Variants in SLC24A3 observed in about 807,000 individuals in gnomAD.
The protein encoded by SLC24A3 is sodium/potassium/calcium exchanger 3.
SLC24A3 carries 28 observed loss-of-function variants against 75.8 expected under a neutral mutation model. That is an observed-to-expected ratio of 0.37 (90% CI 0.27 to 0.51). The LOEUF (loss-of-function observed/expected upper bound fraction) is 0.51. Ranked by LOEUF, SLC24A3 falls within the 20% of genes least tolerant of loss-of-function variation. The pLI is 0.94. For missense variants in SLC24A3, 663 were observed against 847.8 expected, an observed-to-expected ratio of 0.78 and a Z score of 2.71; for synonymous variants, 372 against 334.1, an observed-to-expected ratio of 1.11 and a Z score of -1.24.
At chr20:19,258,123 C>T (rs1347659109) in intron 1 of SLC24A3, among the ~76,000 whole-genome samples, 1 of 152,218 alleles carries the variant, frequency 6.6e-6, no homozygotes, top group Admixed American at 6.5e-5. Context: ...GGCTTACCTC[C>T]CTTTTCACCT....
rs570375760 is a variant in SLC24A3, at chr20:19,623,830, C to G, written c.613-30232C>G. Among the ~76,000 whole-genome samples the G allele has an allele frequency of 1.1e-4, 16 of 152,194 alleles. 1 individual carries two copies. In the South Asian group the frequency reaches 3.3e-3, roughly 32 times the overall value. ...CTGTGGATGAAGAGCAAATATGTGTCCCTAGGAAGAAAGACCACACCAGTA... is the reference window on the plus strand; with the variant it reads ...CTGTGGATGAAGAGCAAATATGTGTGCCTAGGAAGAAAGACCACACCAGTA... On this transcript the variant is annotated intron_variant, in intron 6 of 16. Transcript: ENST00000328041.
intron 2 of SLC24A3, among the ~76,000 whole-genome samples, chr20:19,474,339 A>G (rs556961022): frequency 6.6e-6 from 1 of 152,308 alleles, no homozygotes; most frequent in African/African-American, 2.4e-5. Flanking sequence ...TTAATTCCCA[A>G]TGCAAGAAGA....
chr20:19,299,198 ATGTGTG>A (rs57048749), intron 2 of SLC24A3, among the ~76,000 whole-genome samples: 16 of 144,912 alleles, frequency 1.1e-4, no homozygotes, highest in African/African-American at 4.0e-4. Context: ...GTGTGTGTGT[ATGTGTG>A]TGTGTGTGTG....
intron 2 of SLC24A3, among the ~76,000 whole-genome samples, chr20:19,327,752 G>C (rs894082313): frequency 1.3e-5 from 2 of 152,116 alleles, no homozygotes; most frequent in African/African-American, 4.8e-5. Flanking sequence ...CATCCTTCTT[G>C]TTTTGTCTCC....
At chr20:19,684,848 T>C (rs2032655593) in intron 11 of SLC24A3, among the ~76,000 whole-genome samples, 1 of 152,190 alleles carries the variant, frequency 6.6e-6, no homozygotes, top group Non-Finnish European at 1.5e-5. Context: ...GTCAAGGAAC[T>C]GCACATCCCC....
intron 2 of SLC24A3, among the ~76,000 whole-genome samples, chr20:19,390,689 G>C (rs910080631): frequency 6.6e-6 from 1 of 152,188 alleles, no homozygotes; most frequent in African/African-American, 2.4e-5. Context: ...GCCTACATTT[G>C]CTGAATTTCC....
At chr20:19,241,657 C>T (rs1465116346) in intron 1 of SLC24A3, among the ~76,000 whole-genome samples, 1 of 152,238 alleles carries the variant, frequency 6.6e-6, no homozygotes, top group Non-Finnish European at 1.5e-5. Flanking sequence ...TGATTTATAA[C>T]TAGCACTTCA....
At chr20:19,402,325 G>A (rs905280751) in intron 2 of SLC24A3, among the ~76,000 whole-genome samples, 1 of 152,142 alleles carries the variant, frequency 6.6e-6, no homozygotes, top group African/African-American at 2.4e-5. Flanking sequence ...TTCCCCTAAC[G>A]ATTACAGGAA....
chr20:19,544,698 G>T (rs2030558729), intron 3 of SLC24A3, among the ~76,000 whole-genome samples: 1 of 152,216 alleles, frequency 6.6e-6, no homozygotes, highest in Non-Finnish European at 1.5e-5. Context: ...ATAAAAACTG[G>T]ATTTATACAC....
rs1450731180 is a variant in SLC24A3 at position 19,212,651 on chromosome 20, G to C, written c.-192G>C. The C allele has an allele frequency of 9.3e-6, 2 of 214,014 alleles. No homozygotes were observed. Among genetic ancestry groups the C allele is most frequent in the South Asian group, 1.5e-4 (1 of 6,828 alleles). The allele number at this position is 214,014 out of a possible 1,614,324, so 13.3% of individuals were successfully genotyped here. ...GGAGGAGGGACTGGGCGATAGCGAC[G>C]AGGAGGGCGACGACGAGGAGACGGG... On this transcript the variant is annotated 5_prime_UTR_variant, in exon 1 of 17. Transcript: ENST00000328041.
At chr20:19,577,807 G>A (rs955945885) in intron 3 of SLC24A3, among the ~76,000 whole-genome samples, 5 of 152,044 alleles carry the variant, frequency 3.3e-5, no homozygotes, top group Non-Finnish European at 5.9e-5. Context: ...CCCTTTTAAG[G>A]GCGTCTTATT....
intron 2 of SLC24A3, among the ~76,000 whole-genome samples, chr20:19,477,116 G>A (rs554014078): frequency 1.5e-4 from 23 of 152,094 alleles, no homozygotes; most frequent in South Asian, 1.5e-3. Context: ...CCAGGCAGAC[G>A]CAAGCAGAAG....
intron 2 of SLC24A3, among the ~76,000 whole-genome samples, chr20:19,411,639 T>A (rs1203532494): frequency 6.6e-6 from 1 of 152,226 alleles, no homozygotes; most frequent in African/African-American, 2.4e-5. Context: ...GAAACAAATA[T>A]GGAGCAACAG....
chr20:19,687,878 A>C (rs1904996737), intron 12 of SLC24A3, among the ~76,000 whole-genome samples: 1 of 152,170 alleles, frequency 6.6e-6, no homozygotes, highest in Non-Finnish European at 1.5e-5. Context: ...TGGAGGCCTC[A>C]GACCTTCCAG....
chr20:19,228,562 G>C (rs570568189), intron 1 of SLC24A3, among the ~76,000 whole-genome samples: 1 of 151,818 alleles, frequency 6.6e-6, no homozygotes, highest in Non-Finnish European at 1.5e-5. Flanking sequence ...GGAAAATGGC[G>C]TGAACCCAGG....
chr20:19,444,059 G>T (rs1180558576), intron 2 of SLC24A3, among the ~76,000 whole-genome samples: 2 of 152,124 alleles, frequency 1.3e-5, no homozygotes, highest in Non-Finnish European at 2.9e-5. Flanking sequence ...GTTAGATTTT[G>T]TTAAATGCTT....
intron 3 of SLC24A3, among the ~76,000 whole-genome samples, chr20:19,560,693 G>A (rs577274778): frequency 1.2e-4 from 19 of 152,204 alleles, no homozygotes; most frequent in African/African-American, 4.1e-4. Flanking sequence ...AGGGACCTTC[G>A]GTGTCCATTA....
chr20:19,301,531 G>T (rs1984197673), intron 2 of SLC24A3, among the ~76,000 whole-genome samples: 1 of 152,180 alleles, frequency 6.6e-6, no homozygotes, highest in Non-Finnish European at 1.5e-5. Flanking sequence ...CCTTTTAGAG[G>T]TCTTTTATTC....
intron 2 of SLC24A3, among the ~76,000 whole-genome samples, chr20:19,304,477 T>G (rs757900387): frequency 6.6e-6 from 1 of 152,156 alleles, no homozygotes; most frequent in Non-Finnish European, 1.5e-5. Context: ...CATTTCCTAT[T>G]CGTTAATTTG....
Sources: allele counts gnomAD v4.1 joint callset (sites outside exome capture counted in the v4.1 genomes callset), GRCh38; gene constraint gnomAD v4.1.1; transcripts MANE v1.5; gene names NCBI Gene and HGNC (gene_info 2026-07-23, HGNC 2026-07-21).